PPM1H: variants seen among roughly 807,000 people sequenced by gnomAD.
The protein encoded by PPM1H is protein phosphatase, Mg2+/Mn2+ dependent 1H.
Under a neutral mutation model 54.9 loss-of-function variants are expected in PPM1H, and 27 were observed. The observed-to-expected ratio is 0.49, with a 90% CI of 0.36 to 0.68. PPM1H has a LOEUF of 0.68. Among genes scored for constraint, PPM1H ranks in the 30% least tolerant of loss-of-function variants. The pLI, the probability that PPM1H is intolerant of heterozygous loss-of-function variation, is 0.00. For missense variants in PPM1H, 596 were observed against 667.8 expected (o/e 0.89, Z 1.19); for synonymous variants, 305 against 270.8 (o/e 1.13, Z -1.24).
intron 1 of PPM1H, among the ~76,000 whole-genome samples, chr12:62,873,986 A>G (rs1870077566): frequency 6.6e-6 from 1 of 152,136 alleles, no homozygotes; most frequent in African/African-American, 2.4e-5. Context: ...GCAGGGGGAA[A>G]TATATGCAAA....
intron 1 of PPM1H, among the ~76,000 whole-genome samples, chr12:62,900,625 G>A (rs903735060): frequency 5.3e-5 from 8 of 151,024 alleles, no homozygotes; most frequent in Non-Finnish European, 8.8e-5. Flanking sequence ...AAAGGACTAC[G>A]TGGAAACGAA....
intron 1 of PPM1H, among the ~76,000 whole-genome samples, chr12:62,857,342 T>C (rs901839651): frequency 6.6e-6 from 1 of 152,208 alleles, no homozygotes; most frequent in East Asian, 1.9e-4. Context: ...GTGAAACATA[T>C]ATAACCTCCT....
chr12:62,928,005 G>A (rs1269772747), intron 1 of PPM1H, among the ~76,000 whole-genome samples: 1 of 152,174 alleles, frequency 6.6e-6, no homozygotes, highest in Non-Finnish European at 1.5e-5. Context: ...CACAGAACTG[G>A]ATATGAATCC....
In PPM1H at chr12:62,740,976, C is replaced by T. The variant is rs2120537945; in HGVS notation, c.870-3390G>A. 1.3e-5 allele frequency among the ~76,000 whole-genome samples: 2 copies of T among 152,348 alleles called. 1 individual carries two copies. Among genetic ancestry groups the T allele is most frequent in the South Asian group, 4.1e-4 (2 of 4,826 alleles). On this transcript the variant is annotated intron_variant, in intron 4 of 9. Transcript: ENST00000228705. ...CAGACAACCTTTCTAGCCCACATAT[C>T]TCTGTTGTGCTCGGCCTGGAACAGC...
At chr12:62,852,629 G>A (rs182447090) in intron 1 of PPM1H, among the ~76,000 whole-genome samples, 29 of 152,324 alleles carry the variant, frequency 1.9e-4, no homozygotes, top group Admixed American at 1.9e-3. Flanking sequence ...TGACATAATT[G>A]GTTTGGGCAA....
At chr12:62,658,750 T>C in intron 9 of PPM1H, 1 of 381,622 alleles carries the variant, frequency 2.6e-6, no homozygotes, top group Non-Finnish European at 5.0e-6. Flanking sequence ...ACTGCCAGCT[T>C]CCCTACAATT....
chr12:62,795,763 G>A (rs1308348703), intron 3 of PPM1H, among the ~76,000 whole-genome samples: 2 of 152,036 alleles, frequency 1.3e-5, no homozygotes, highest in African/African-American at 2.4e-5. Context: ...GTCTCGCTCC[G>A]TTGCCCAGGC....
chr12:62,857,657 T>A (rs558158794), intron 1 of PPM1H, among the ~76,000 whole-genome samples: 19 of 152,302 alleles, frequency 1.2e-4, no homozygotes, highest in African/African-American at 4.6e-4. Context: ...GTCAAGTTTT[T>A]AAATTTTATT....
chr12:62,770,904 C>T (rs1244560633), intron 4 of PPM1H, among the ~76,000 whole-genome samples: 6 of 152,002 alleles, frequency 3.9e-5, no homozygotes, highest in Non-Finnish European at 5.9e-5. Flanking sequence ...GTCCAGGAGC[C>T]GGGTGGGAAA....
chr12:62,678,934 G>A (rs1004005900), intron 8 of PPM1H, among the ~76,000 whole-genome samples: 1 of 151,948 alleles, frequency 6.6e-6, no homozygotes, highest in African/African-American at 2.4e-5. Context: ...TGATCTGCCT[G>A]CCTCAGCCTC....
chr12:62,766,568 A>G (rs1437538718), intron 4 of PPM1H, among the ~76,000 whole-genome samples: 4 of 150,996 alleles, frequency 2.6e-5, no homozygotes, highest in African/African-American at 9.7e-5. Flanking sequence ...CACAGAAACA[A>G]AAAAAAAATT....
intron 1 of PPM1H, among the ~76,000 whole-genome samples, chr12:62,928,947 A>AT (rs1489672054): frequency 1.3e-5 from 2 of 152,066 alleles, no homozygotes; most frequent in Admixed American, 6.6e-5. Flanking sequence ...TGTCAGAATA[A>AT]TTTTTTTTCT....
chr12:62,856,386 C>T (rs1176403856), intron 1 of PPM1H, among the ~76,000 whole-genome samples: 1 of 152,180 alleles, frequency 6.6e-6, no homozygotes, highest in East Asian at 1.9e-4. Context: ...ATTTCCTTCC[C>T]ATCTTTCAGA....
At chr12:62,856,441 T>G (rs1869391647) in intron 1 of PPM1H, among the ~76,000 whole-genome samples, 1 of 152,178 alleles carries the variant, frequency 6.6e-6, no homozygotes, top group Non-Finnish European at 1.5e-5. Flanking sequence ...CCACAAACCA[T>G]TGTTTCATGT....
rs530685747 is a variant in PPM1H at position 62,792,695 on chromosome 12, AT to A, written c.757-4358del. ...CTAAAACCGTGTGCAACTAGAACATATTCTAAAAATAATTGCTTCCCTCCCC... is the reference window on the plus strand; with the variant it reads ...CTAAAACCGTGTGCAACTAGAACATATCTAAAAATAATTGCTTCCCTCCCC... On this transcript the variant is annotated intron_variant, in intron 3 of 9. Coordinates refer to ENST00000228705, the MANE Select transcript of PPM1H (RefSeq NM_020700.2). Among the ~76,000 whole-genome samples the A allele has an allele frequency of 2.4e-3, 359 of 152,242 alleles. 3 individuals are homozygous for A. The highest frequency in any genetic ancestry group is 7.7e-3 in the African/African-American group (319 of 41,536).
intron 6 of PPM1H, 98 bp downstream of exon 6, chr12:62,720,073 T>G (rs1396668065): frequency 9.5e-7 from 1 of 1,052,148 alleles, no homozygotes; most frequent in African/African-American, 1.6e-5. Context: ...TCTCTGGCTG[T>G]GCTTCCTGAT....
chr12:62,781,246 C>T (rs1374122079), intron 4 of PPM1H, among the ~76,000 whole-genome samples: 2 of 152,218 alleles, frequency 1.3e-5, no homozygotes, highest in Non-Finnish European at 2.9e-5. Flanking sequence ...CAACTCTACT[C>T]TTCAGAGGAA....
At chr12:62,902,813 G>C (rs1230850516) in intron 1 of PPM1H, among the ~76,000 whole-genome samples, 1 of 152,172 alleles carries the variant, frequency 6.6e-6, no homozygotes, top group South Asian at 2.1e-4. Context: ...GTAGTACTAA[G>C]AAAGATAGTG....
At chr12:62,826,640 T>C (rs1302042002) in intron 2 of PPM1H, among the ~76,000 whole-genome samples, 1 of 152,236 alleles carries the variant, frequency 6.6e-6, no homozygotes, top group African/African-American at 2.4e-5. Flanking sequence ...TTAGGTTTTC[T>C]TTAACCTCCA....
Sources: allele counts gnomAD v4.1 joint callset (sites outside exome capture counted in the v4.1 genomes callset), GRCh38; gene constraint gnomAD v4.1.1; transcripts MANE v1.5; gene names NCBI Gene and HGNC (gene_info 2026-07-23, HGNC 2026-07-21).